IFTAP: variants seen among roughly 807,000 people sequenced by gnomAD.
IFTAP encodes intraflagellar transport associated protein.
IFTAP carries 19 observed loss-of-function variants against 19.4 expected under a neutral mutation model. That is an observed-to-expected ratio of 0.98 (90% CI 0.68 to 1.44). The LOEUF is 1.44. Among genes scored for constraint, IFTAP ranks in the 40% most tolerant of loss-of-function variants. The pLI is 0.00. For synonymous variants in IFTAP, 85 were observed against 83.5 expected (o/e 1.02, Z -0.10); for missense variants, 240 against 253.6 (o/e 0.95, Z 0.36).
intron 1 of IFTAP, among the ~76,000 whole-genome samples, chr11:36,599,740 G>C (rs1211413211): frequency 6.6e-6 from 1 of 151,998 alleles, no homozygotes; most frequent in Non-Finnish European, 1.5e-5. Context: ...ATCTCTTCTA[G>C]TTCCTTCTGT....
chr11:36,624,955 T>C (rs545360359), intron 2 of IFTAP, among the ~76,000 whole-genome samples: 3 of 152,226 alleles, frequency 2.0e-5, no homozygotes, highest in Non-Finnish European at 4.4e-5. Flanking sequence ...GGCAAACTTA[T>C]ATGCAGTTAA....
At chr11:36,625,387 T>C (rs1170627105) in intron 2 of IFTAP, among the ~76,000 whole-genome samples, 1 of 152,222 alleles carries the variant, frequency 6.6e-6, no homozygotes, top group African/African-American at 2.4e-5. Context: ...ACACATAGTT[T>C]CTGTAACTTG....
chr11:36,647,054 G>A (rs1178194127), intron 4 of IFTAP, among the ~76,000 whole-genome samples: 1 of 152,062 alleles, frequency 6.6e-6, no homozygotes, highest in Non-Finnish European at 1.5e-5. Context: ...ATAAGTTTCA[G>A]TTTTTGAATA....
rs1476144424 is a variant in IFTAP at position 36,659,186 on chromosome 11, A to C, written c.666A>C (p.Ter222CysextTer18). The C allele has an allele frequency of 1.3e-6, 2 of 1,569,358 alleles. No homozygotes were observed. Among genetic ancestry groups the C allele is most frequent in the Non-Finnish European group, 1.7e-6 (2 of 1,162,628 alleles). The change falls in exon 6 of 6, where the codon TGA becomes TGC. Residue 222 changes from the stop codon to cysteine (C), a stop_lost. Transcript: ENST00000334307. ...CAGACTTAGAGAAATCCTGTGACTG[A>C]TTCACAGAGGCATTTTGTGTGTGTG... ...TSPDLEKSCD[*>C]
intron 5 of IFTAP, among the ~76,000 whole-genome samples, chr11:36,650,279 G>T (rs181993716): frequency 1.3e-5 from 2 of 152,116 alleles, no homozygotes; most frequent in East Asian, 3.9e-4. Context: ...AATGTATTCT[G>T]GATGTCCTTC....
chr11:36,622,582 C>T (rs537213305), intron 2 of IFTAP, among the ~76,000 whole-genome samples: 8 of 152,190 alleles, frequency 5.3e-5, no homozygotes, highest in African/African-American at 1.9e-4. Context: ...GACCACAGGC[C>T]TGTCACTTAC....
In IFTAP at chr11:36,648,025, T is replaced by C. The variant is rs1853558423; in HGVS notation, c.368T>C (p.Leu123Pro). 1 of 1,612,750 alleles carries C rather than the reference T, an allele frequency of 6.2e-7. No homozygotes were observed. The highest frequency in any genetic ancestry group is 8.5e-7 in the Non-Finnish European group (1 of 1,179,304). The change falls in exon 5 of 6, where the codon CTG becomes CCG. Residue 123 changes from leucine to proline, a missense_variant. By Grantham distance (98) the Leu-to-Pro change is moderately conservative. Coordinates refer to ENST00000334307, the MANE Select transcript of IFTAP (RefSeq NM_138787.4). ...GTTTTGTATCCAACAGATTTGCTGC[T>C]GCTTCCAGGAGAAGTGGAGCAGGAT... ...IKPQMSEDLL[L>P]LPGEVEQDVS...
At position 36,655,914 on chromosome 11, in the gene IFTAP, C is replaced by A. The variant is rs146761349; in HGVS notation, c.499-3105C>A. Among the ~76,000 whole-genome samples, 92 of 151,892 alleles carry A rather than the reference C, an allele frequency of 6.1e-4. 1 individual carries two copies. Among genetic ancestry groups the A allele is most frequent in the African/African-American group, 2.1e-3 (85 of 41,410 alleles). Reference sequence around the variant, plus strand: ...TTCCATGTTATTGTTATGGTTAGTACCAAGTGACTGATGAAGAAAATCATC... The same window carrying A: ...TTCCATGTTATTGTTATGGTTAGTAACAAGTGACTGATGAAGAAAATCATC... On this transcript the variant is annotated intron_variant, in intron 5 of 5. Transcript: ENST00000334307.
At chr11:36,639,564 ACCACAT>A (rs1414177834) in intron 4 of IFTAP, among the ~76,000 whole-genome samples, 2 of 152,200 alleles carry the variant, frequency 1.3e-5, no homozygotes. Flanking sequence ...CCAAAGGGGA[ACCACAT>A]GTGCAGAAAC....
intron 4 of IFTAP, 96 bp downstream of exon 4, chr11:36,636,213 T>A: frequency 1.1e-6 from 1 of 876,900 alleles, no homozygotes; most frequent in Non-Finnish European, 1.8e-6. Context: ...AATTCTTACC[T>A]CCACCTCTCC....
At chr11:36,598,700 G>C (rs192729426) in intron 1 of IFTAP, among the ~76,000 whole-genome samples, 1 of 152,134 alleles carries the variant, frequency 6.6e-6, no homozygotes, top group Admixed American at 6.5e-5. Flanking sequence ...ATAATACAGT[G>C]TAATGATTAA....
intron 4 of IFTAP, among the ~76,000 whole-genome samples, chr11:36,643,152 G>C (rs7479562): frequency 0.11 from 16,769 of 152,016 alleles, 1,156 homozygotes; most frequent in South Asian, 0.15. Flanking sequence ...TAACAGCAAA[G>C]TCTCAGGATA....
At chr11:36,651,869 G>A (rs192978385) in intron 5 of IFTAP, among the ~76,000 whole-genome samples, 203 of 152,256 alleles carry the variant, frequency 1.3e-3, no homozygotes, top group Admixed American at 3.1e-3. Flanking sequence ...TTGTAGATGT[G>A]TGGTATTATT....
chr11:36,657,961 T>A (rs891260167), intron 5 of IFTAP, among the ~76,000 whole-genome samples: 6 of 152,222 alleles, frequency 3.9e-5, no homozygotes, highest in African/African-American at 1.2e-4. Flanking sequence ...CTATTAGCAC[T>A]GCACACCTAA....
rs540203293 is a variant in IFTAP, at chr11:36,655,946, G to A, written c.499-3073G>A. ...ACTGATGAAGAAAATCATCCTCCAT[G>A]ACAGAGAAGAATGTAAATGTATTTA... is the stretch of plus-strand genomic sequence containing the variant. On this transcript the variant is annotated intron_variant, in intron 5 of 5. Coordinates refer to ENST00000334307, the MANE Select transcript of IFTAP (RefSeq NM_138787.4). 3.9e-5 allele frequency among the ~76,000 whole-genome samples: 6 copies of A among 152,118 alleles called. No homozygotes were observed. The South Asian group carries it at 1.2e-3, about 32-fold the overall frequency.
intron 2 of IFTAP, among the ~76,000 whole-genome samples, chr11:36,612,752 C>G (rs1851922237): frequency 6.6e-6 from 1 of 152,000 alleles, no homozygotes; most frequent in African/African-American, 2.4e-5. Context: ...TAGTTATACA[C>G]CAGAATGCTT....
intron 5 of IFTAP, among the ~76,000 whole-genome samples, chr11:36,655,595 A>G (rs1308948100): frequency 6.6e-6 from 1 of 152,192 alleles, no homozygotes; most frequent in Non-Finnish European, 1.5e-5. Context: ...TTCCTCTGAC[A>G]TTTCGACTCA....
At position 36,610,208 on chromosome 11, in the gene IFTAP, A is replaced by G. The variant is rs2133377291; in HGVS notation, c.105A>G (p.Glu35=). 1.2e-6 allele frequency: 2 copies of G among 1,610,114 alleles called. No individual in the cohort carries two copies. The highest frequency in any genetic ancestry group is 1.7e-6 in the Non-Finnish European group (2 of 1,176,696). ...GTCATGAGCAAACATATGATGAAGA[A>G]TTTCTGAACACTTTTACTCATCTTT... is the stretch of plus-strand genomic sequence containing the variant. ...LNCHEQTYDE[E]FLNTFTHLSQ... Residue 35 remains glutamate, a synonymous_variant, in exon 2 of 6, where the codon GAA becomes GAG. Coordinates refer to ENST00000334307, the MANE Select transcript of IFTAP (RefSeq NM_138787.4).
intron 1 of IFTAP, among the ~76,000 whole-genome samples, chr11:36,596,312 T>C (rs1249331613): frequency 6.6e-6 from 1 of 150,912 alleles, no homozygotes; most frequent in South Asian, 2.1e-4. Context: ...TTCAGTCTAC[T>C]TGGGAGACTC....
Sources: gnomAD v4.1 joint callset for allele counts (sites outside exome capture counted in the v4.1 genomes callset) on GRCh38, gnomAD v4.1.1 for gene constraint, MANE v1.5 for transcripts, NCBI Gene and HGNC (gene_info 2026-07-23, HGNC 2026-07-21) for gene names.